The following NKAIN2 variants were observed in gnomAD, a reference collection of about 807,000 sequenced individuals.
NKAIN2 encodes sodium/potassium-transporting ATPase subunit beta-1-interacting protein 2.
In NKAIN2, 14 loss-of-function variants were observed where a neutral mutation model predicts 32.6. The observed-to-expected ratio is 0.43, with a 90% confidence interval of 0.28 to 0.67. NKAIN2 has a LOEUF of 0.67. NKAIN2 is among the 30% of genes least tolerant of loss of function. NKAIN2 has a pLI of 0.17. For synonymous variants in NKAIN2, 80 were observed against 87.2 expected, an observed-to-expected ratio of 0.92 and a Z score of 0.46; for missense variants, 198 against 258.3, an observed-to-expected ratio of 0.77 and a Z score of 1.60.
intron 1 of NKAIN2, among the ~76,000 whole-genome samples, chr6:124,072,375 C>T (rs1783501686): frequency 6.6e-6 from 1 of 152,062 alleles, no homozygotes; most frequent in Non-Finnish European, 1.5e-5. Flanking sequence ...CCACTACCTG[C>T]ATAAGAGATT....
At chr6:124,234,526 T>C (rs1562440719) in intron 1 of NKAIN2, among the ~76,000 whole-genome samples, 1 of 152,140 alleles carries the variant, frequency 6.6e-6, no homozygotes, top group East Asian at 1.9e-4. Context: ...CATATTCTTA[T>C]TTATCTCTTC....
At chr6:124,169,146 T>C (rs1788718250) in intron 1 of NKAIN2, among the ~76,000 whole-genome samples, 2 of 152,150 alleles carry the variant, frequency 1.3e-5, no homozygotes, top group African/African-American at 2.4e-5. Flanking sequence ...TATTATCCAG[T>C]ATAGCACTGT....
intron 4 of NKAIN2, among the ~76,000 whole-genome samples, chr6:124,788,607 C>T (rs543381114): frequency 6.6e-6 from 1 of 152,130 alleles, no homozygotes; most frequent in South Asian, 2.1e-4. Flanking sequence ...GGAGAAAAGT[C>T]CAGTATAAAA....
At chr6:124,395,760 A>G (rs1430054623) in intron 3 of NKAIN2, among the ~76,000 whole-genome samples, 1 of 152,190 alleles carries the variant, frequency 6.6e-6, no homozygotes, top group Non-Finnish European at 1.5e-5. Flanking sequence ...GGCAATGGAT[A>G]TGTCCAGTGT....
rs761924890 is a variant in NKAIN2 at position 124,171,034 on chromosome 6, G to GT, written c.55-111962dup. On this transcript the variant is annotated intron_variant, in intron 1 of 6. Coordinates refer to ENST00000368417, the MANE Select transcript of NKAIN2 (RefSeq NM_001040214.3). Reference sequence around the variant, plus strand: ...AAAACAAATTTTCATAATTGTGAAGGTTTTTTTTTAGAAAATTTCATTTGA... The same window carrying GT: ...AAAACAAATTTTCATAATTGTGAAGGTTTTTTTTTTAGAAAATTTCATTTGA... Among the ~76,000 whole-genome samples the GT allele has an allele frequency of 1.3e-3, 196 of 151,114 alleles. 1 individual carries two copies. Among genetic ancestry groups the GT allele is most frequent in the African/African-American group, 3.8e-3 (158 of 41,154 alleles).
chr6:124,388,313 C>T (rs1230867464), intron 3 of NKAIN2, among the ~76,000 whole-genome samples: 1 of 151,978 alleles, frequency 6.6e-6, no homozygotes, highest in South Asian at 2.1e-4. Context: ...ATTTATTACT[C>T]AGGCTAGAAA....
At chr6:124,379,457 T>C (rs1800163611) in intron 3 of NKAIN2, among the ~76,000 whole-genome samples, 1 of 152,098 alleles carries the variant, frequency 6.6e-6, no homozygotes, top group Non-Finnish European at 1.5e-5. Context: ...TCATCATTTA[T>C]GTAATGAATT....
At chr6:124,602,840 A>G (rs377369734) in intron 3 of NKAIN2, among the ~76,000 whole-genome samples, 1 of 151,864 alleles carries the variant, frequency 6.6e-6, no homozygotes, top group Non-Finnish European at 1.5e-5. Context: ...CATGAGAACA[A>G]ACCCCCTTGC....
In NKAIN2 at chr6:124,390,401, C is replaced by T. The variant is rs187997428; in HGVS notation, c.273+35054C>T. Among the ~76,000 whole-genome samples, 5 of 152,234 alleles carry T rather than the reference C, an allele frequency of 3.3e-5. 1 individual carries two copies. The highest frequency in any genetic ancestry group is 4.1e-4 in the South Asian group (2 of 4,832). On this transcript the variant is annotated intron_variant, in intron 3 of 6. Transcript: ENST00000368417. ...TGAAGACAAGTTTACTGAATGAGAA[C>T]ATTATTCTGTCTTAATAACGTTAAC...
chr6:124,790,915 A>G (rs373922561), intron 4 of NKAIN2, among the ~76,000 whole-genome samples: 1 of 152,064 alleles, frequency 6.6e-6, no homozygotes, highest in Admixed American at 6.6e-5. Flanking sequence ...GAATCACCTT[A>G]ATGTCTTCCC....
chr6:123,818,986 G>C (rs1415035646), intron 1 of NKAIN2, among the ~76,000 whole-genome samples: 1 of 152,130 alleles, frequency 6.6e-6, no homozygotes, highest in African/African-American at 2.4e-5. Context: ...GTGTTTGTCT[G>C]TGTGTGTGTT....
intron 1 of NKAIN2, among the ~76,000 whole-genome samples, chr6:124,072,100 TAAAG>T (rs1240197740): frequency 1.3e-5 from 2 of 152,034 alleles, no homozygotes; most frequent in Admixed American, 6.6e-5. Context: ...GTGGGTTAGA[TAAAG>T]AAAGTGTGGC....
chr6:124,089,569 A>G (rs1784334977), intron 1 of NKAIN2, among the ~76,000 whole-genome samples: 1 of 151,900 alleles, frequency 6.6e-6, no homozygotes, highest in Admixed American at 6.6e-5. Flanking sequence ...TTCTCTTTGT[A>G]TAATTCATTT....
chr6:124,224,976 C>G (rs1484726408), intron 1 of NKAIN2, among the ~76,000 whole-genome samples: 1 of 152,010 alleles, frequency 6.6e-6, no homozygotes, highest in South Asian at 2.1e-4. Context: ...CTACAGTGGG[C>G]CCCAAGGTAA....
intron 3 of NKAIN2, among the ~76,000 whole-genome samples, chr6:124,573,416 A>C (rs1393680283): frequency 1.3e-5 from 2 of 150,896 alleles, no homozygotes; most frequent in Admixed American, 1.3e-4. Context: ...TCTTCTCACT[A>C]TTCACTTCTC....
intron 3 of NKAIN2, among the ~76,000 whole-genome samples, chr6:124,412,063 A>G (rs771193280): frequency 2.6e-5 from 4 of 151,712 alleles, no homozygotes; most frequent in Non-Finnish European, 4.4e-5. Flanking sequence ...TGCATTGGTT[A>G]TTCTATTTAT....
At chr6:124,631,174 T>G (rs1783550693) in intron 3 of NKAIN2, among the ~76,000 whole-genome samples, 1 of 152,176 alleles carries the variant, frequency 6.6e-6, no homozygotes, top group Non-Finnish European at 1.5e-5. Context: ...TTTTGATACT[T>G]CTAAAGAGAT....
At chr6:124,517,785 T>C (rs941836026) in intron 3 of NKAIN2, among the ~76,000 whole-genome samples, 2 of 152,204 alleles carry the variant, frequency 1.3e-5, no homozygotes, top group African/African-American at 4.8e-5. Context: ...TTGATTGATA[T>C]ACAAATAAAT....
At chr6:124,663,842 C>T (rs1358181888) in intron 4 of NKAIN2, among the ~76,000 whole-genome samples, 1 of 152,078 alleles carries the variant, frequency 6.6e-6, no homozygotes, top group African/African-American at 2.4e-5. Flanking sequence ...TAAACTGTGG[C>T]ATGCAAAAAG....
Sources: gnomAD v4.1 joint callset for allele counts (sites outside exome capture counted in the v4.1 genomes callset) on GRCh38, gnomAD v4.1.1 for gene constraint, MANE v1.5 for transcripts, NCBI Gene and HGNC (gene_info 2026-07-23, HGNC 2026-07-21) for gene names.